The following ALK variants were observed in gnomAD, a reference collection of about 807,000 sequenced individuals.
The protein encoded by ALK is ALK receptor tyrosine kinase, also known as ALK tyrosine kinase receptor.
A neutral mutation model predicts 163.1 loss-of-function variants in ALK; 74 were observed. The ratio of observed to expected loss-of-function variants is 0.45; its 90% confidence interval spans 0.38 to 0.55. The LOEUF (loss-of-function observed/expected upper bound fraction) is 0.55, where lower values mean the gene tolerates loss of function less well. Among genes scored for constraint, ALK ranks in the 20% least tolerant of loss-of-function variants. The probability of loss-of-function intolerance (pLI) is 0.00; values close to 1 mark genes in which losing one functional copy is unlikely to be tolerated. For synonymous variants in ALK, 960 were observed against 843.2 expected (o/e 1.14, Z -2.40); for missense variants, 2,063 against 2,105.3 (o/e 0.98, Z 0.39).
At chr2:29,775,351 C>T (rs574120397) in intron 1 of ALK, among the ~76,000 whole-genome samples, 1 of 152,200 alleles carries the variant, frequency 6.6e-6, no homozygotes, top group East Asian at 1.9e-4. Context: ...AACAAAACAC[C>T]TGACAGTCTT....
intron 3 of ALK, among the ~76,000 whole-genome samples, chr2:29,593,288 G>C (rs957861497): frequency 2.7e-4 from 41 of 152,312 alleles, no homozygotes; most frequent in African/African-American, 9.4e-4. Context: ...AAGAGGGATG[G>C]CTGGAGATGA....
intron 4 of ALK, among the ~76,000 whole-genome samples, chr2:29,443,321 T>C (rs11678326): frequency 0.1 from 15,664 of 152,194 alleles, 1,111 homozygotes; most frequent in Non-Finnish European, 0.16. Flanking sequence ...AACAGTTCCA[T>C]TGCATACATA....
chr2:29,429,784 A>T (rs554048151), intron 4 of ALK, among the ~76,000 whole-genome samples: 3 of 152,266 alleles, frequency 2.0e-5, no homozygotes, highest in African/African-American at 7.2e-5. Flanking sequence ...AGAGTTTTTA[A>T]TAAGAAGAAC....
intron 3 of ALK, among the ~76,000 whole-genome samples, chr2:29,658,550 G>A (rs1334941745): frequency 6.6e-6 from 1 of 152,196 alleles, no homozygotes; most frequent in South Asian, 2.1e-4. Context: ...GTGGCTAGGT[G>A]TAACCCTTAT....
chr2:29,417,049 G>A (rs1014919545), intron 4 of ALK, among the ~76,000 whole-genome samples: 2 of 141,496 alleles, frequency 1.4e-5, no homozygotes, highest in East Asian at 2.0e-4. Context: ...GTGCAGTGGC[G>A]GGATCTCAGC....
At chr2:29,719,375 G>A (rs138326185) in intron 1 of ALK, among the ~76,000 whole-genome samples, 2 of 152,320 alleles carry the variant, frequency 1.3e-5, no homozygotes, top group African/African-American at 4.8e-5. Flanking sequence ...AAAGGGGTGA[G>A]AGTCTGTGTT....
chr2:29,239,327 G>C (rs1481158200), intron 13 of ALK, among the ~76,000 whole-genome samples: 1 of 152,196 alleles, frequency 6.6e-6, no homozygotes, highest in African/African-American at 2.4e-5. Flanking sequence ...AGAAGGAGCT[G>C]GGGGTCCTGG....
chr2:29,654,572 A>G (rs777158061), intron 3 of ALK, among the ~76,000 whole-genome samples: 1 of 152,202 alleles, frequency 6.6e-6, no homozygotes, highest in Non-Finnish European at 1.5e-5. Context: ...CTTTGAGGTT[A>G]GGACCCAGAG....
chr2:29,689,881 A>G (rs1467618375), intron 3 of ALK, among the ~76,000 whole-genome samples: 1 of 151,360 alleles, frequency 6.6e-6, no homozygotes, highest in African/African-American at 2.5e-5. Context: ...GGAGTGAGAC[A>G]TCTACAAGCT....
Position 29,523,858 on chromosome 2 carries a change from G to GTCTTTTTTTTTTTTTTTTTT in ALK, c.1154+8056_1154+8057insAAAAAAAAAAAAAAAAAAGA, listed in dbSNP as rs1672879628. ...AGGTCAGAACTGGCAGAAGCTGAAG[G>GTCTTTTTTTTTTTTTTTTTT]TTTTTTTTTTTTTTTTTTTTTTTTT... On this transcript the variant is annotated intron_variant, in intron 4 of 28. Transcript: ENST00000389048. 1.8e-5 allele frequency among the ~76,000 whole-genome samples: 2 copies of GTCTTTTTTTTTTTTTTTTTT among 110,950 alleles called. 1 individual carries two copies. 72.8% of individuals were successfully genotyped at this position (110,950 alleles called of 152,430 possible). A position where few individuals can be genotyped will look rare whatever the true frequency, so the allele number is the denominator to read the frequency against.
At chr2:29,819,797 C>A (rs950386724) in intron 1 of ALK, among the ~76,000 whole-genome samples, 1 of 152,222 alleles carries the variant, frequency 6.6e-6, no homozygotes, top group Non-Finnish European at 1.5e-5. Context: ...CAGCAGGTCA[C>A]TAAAAGGTGT....
In ALK at chr2:29,744,845, G is replaced by A. The variant is rs117138598; in HGVS notation, c.668-27148C>T. 5.9e-5 allele frequency among the ~76,000 whole-genome samples: 9 copies of A among 152,148 alleles called. No individual in the cohort carries two copies. In the East Asian group the frequency reaches 1.7e-3, roughly 29 times the overall value. On this transcript the variant is annotated intron_variant, in intron 1 of 28. Coordinates refer to ENST00000389048, the MANE Select transcript of ALK (RefSeq NM_004304.5). ...GAGAGAGCAGATGGAAGCTGTATTA[G>A]CTTTTCCAACGCAACCTCAGAACTC...
chr2:29,569,784 C>A (rs1674303497), intron 3 of ALK, among the ~76,000 whole-genome samples: 1 of 152,194 alleles, frequency 6.6e-6, no homozygotes, highest in African/African-American at 2.4e-5. Context: ...AAGCAGGGAT[C>A]CCTGCTTTCC....
At chr2:29,330,266 G>C (rs919399839) in intron 5 of ALK, among the ~76,000 whole-genome samples, 1 of 152,136 alleles carries the variant, frequency 6.6e-6, no homozygotes, top group Non-Finnish European at 1.5e-5. Context: ...CAGGCTCCCA[G>C]AGGGCGATGA....
At chr2:29,441,065 G>A (rs1340275819) in intron 4 of ALK, among the ~76,000 whole-genome samples, 4 of 152,186 alleles carry the variant, frequency 2.6e-5, no homozygotes, top group African/African-American at 9.7e-5. Flanking sequence ...CCTGCAGGCC[G>A]GGTCTGGCCA....
At chr2:29,225,059 G>T (rs886871752) in intron 19 of ALK, among the ~76,000 whole-genome samples, 2 of 152,230 alleles carry the variant, frequency 1.3e-5, no homozygotes, top group Non-Finnish European at 2.9e-5. Flanking sequence ...TGGAGGGCTG[G>T]TTTGGGGAAG....
chr2:29,241,917 C>T (rs1664535237), intron 12 of ALK, among the ~76,000 whole-genome samples: 1 of 152,156 alleles, frequency 6.6e-6, no homozygotes, highest in Non-Finnish European at 1.5e-5. Context: ...TGCACATCCC[C>T]TCTTAGAGGT....
At chr2:29,378,875 T>A (rs561785411) in intron 5 of ALK, among the ~76,000 whole-genome samples, 23 of 152,198 alleles carry the variant, frequency 1.5e-4, no homozygotes, top group African/African-American at 5.1e-4. Flanking sequence ...CATGCCTGGC[T>A]ACTTTTTTTG....
At chr2:29,637,046 A>T (rs981592366) in intron 3 of ALK, among the ~76,000 whole-genome samples, 1 of 152,190 alleles carries the variant, frequency 6.6e-6, no homozygotes, top group African/African-American at 2.4e-5. Flanking sequence ...TATAAAAGTA[A>T]ACATGCCATT....
Sources: allele counts gnomAD v4.1 joint callset (sites outside exome capture counted in the v4.1 genomes callset), GRCh38; gene constraint gnomAD v4.1.1; transcripts MANE v1.5; gene names NCBI Gene and HGNC (gene_info 2026-07-23, HGNC 2026-07-21).